INPP5A: variants seen among roughly 807,000 people sequenced by gnomAD.
INPP5A encodes 43 kDa inositol polyphosphate 5-phophatase.
A neutral mutation model predicts 65.2 loss-of-function variants in INPP5A; 14 were observed. The ratio of observed to expected loss-of-function variants is 0.21; its 90% CI spans 0.14 to 0.34. INPP5A has a LOEUF of 0.34. Ranked by LOEUF, INPP5A falls within the 10% of genes least tolerant of loss-of-function variation. The probability of loss-of-function intolerance (pLI) is 1.00; values close to 1 mark genes in which losing one functional copy is unlikely to be tolerated. For synonymous variants in INPP5A, 207 were observed against 208.3 expected (o/e 0.99, Z 0.05); for missense variants, 431 against 545.6 (o/e 0.79, Z 2.09).
At position 132,554,245 on chromosome 10, in the gene INPP5A, T is replaced by C. The variant is rs145063571; in HGVS notation, c.75+16074T>C. On this transcript the variant is annotated intron_variant, in intron 1 of 15. Transcript: ENST00000368594. ...TTGTGCTCACAGGGCAAAGGGGTAG[T>C]GTACTGTGCTGCCTGGCTCCACGGC... 5.5e-3 allele frequency among the ~76,000 whole-genome samples: 839 copies of C among 152,268 alleles called. 7 individuals carry two copies. The highest frequency in any genetic ancestry group is 0.017 in the Middle Eastern group (5 of 294).
chr10:132,734,232 C>G (rs943708520), intron 9 of INPP5A, among the ~76,000 whole-genome samples: 9 of 152,138 alleles, frequency 5.9e-5, no homozygotes, highest in African/African-American at 2.2e-4. Context: ...ACTGTCATGG[C>G]AGGACCACAC....
rs1418430958 is a variant in INPP5A at position 132,781,892 on chromosome 10, G to C, written c.1190G>C (p.Gly397Ala). 2 of 1,613,874 alleles carry C rather than the reference G, an allele frequency of 1.2e-6. No homozygotes were observed. Among genetic ancestry groups the C allele is most frequent in the Non-Finnish European group, 1.7e-6 (2 of 1,180,012 alleles). Reference protein sequence around the residue: ...PVFLAFRIMPGAGKPHAHVHK... With the variant: ...PVFLAFRIMPAAGKPHAHVHK... ...TTCCTGGCCTTCCGAATCATGCCCG[G>C]GGCAGGTAAACCTCATGCCCATGTG... The change falls in exon 15 of 16, where the codon GGG becomes GCG. Residue 397 changes from glycine (G) to alanine (A), a missense_variant. Physicochemically the swap from Gly to Ala is moderately conservative, Grantham distance 60 (BLOSUM62 0). Transcript: ENST00000368594.
At position 132,575,380 on chromosome 10, in the gene INPP5A, C is replaced by G. The variant is rs1006381994; in HGVS notation, c.76-32535C>G. 1.3e-5 allele frequency among the ~76,000 whole-genome samples: 2 copies of G among 152,156 alleles called. No individual in the cohort carries two copies. The highest frequency in any genetic ancestry group is 3.9e-4 in the East Asian group (2 of 5,192). On this transcript the variant is annotated intron_variant, in intron 1 of 15. Coordinates refer to ENST00000368594, the MANE Select transcript of INPP5A (RefSeq NM_005539.5). This position sits in a 1 kb window ranked among gnomAD's most constrained non-coding sequence, Gnocchi z 5.4. ...TGTGGCTAGCCTGCTCCCAGCCCCC[C>G]GCAGCTCACAGGGTCAGGATGGGAG...
intron 13 of INPP5A, among the ~76,000 whole-genome samples, chr10:132,779,554 T>C (rs1847122713): frequency 6.6e-6 from 1 of 152,220 alleles, no homozygotes; most frequent in South Asian, 2.1e-4. Context: ...TTCCATTCAC[T>C]CACAGCCTCT....
intron 5 of INPP5A, among the ~76,000 whole-genome samples, chr10:132,691,543 G>C (rs147994004): frequency 0.021 from 3,268 of 152,362 alleles, 48 homozygotes; most frequent in Middle Eastern, 0.068. Flanking sequence ...CAGACCTTTT[G>C]TGTTTTTCAG....
intron 4 of INPP5A, among the ~76,000 whole-genome samples, chr10:132,673,354 A>G (rs1404773367): frequency 6.6e-6 from 1 of 152,190 alleles, no homozygotes; most frequent in East Asian, 1.9e-4. Context: ...GAGTGGTGCC[A>G]CTTCCACTTC....
At position 132,706,812 on chromosome 10, in the gene INPP5A, A is replaced by G. The variant is rs1239150476; in HGVS notation, c.475-1501A>G. On this transcript the variant is annotated intron_variant, in intron 6 of 15. Coordinates refer to ENST00000368594, the MANE Select transcript of INPP5A (RefSeq NM_005539.5). The surrounding 1 kb of genome is among the most constrained non-coding windows in gnomAD (Gnocchi z 4.7). ...AGAAGGAGACGGGGCTGCAGGGGCC[A>G]CTGTGCTGGATGGGGACCAGGAGAA... Among the ~76,000 whole-genome samples, 1 of 152,172 alleles carries G rather than the reference A, an allele frequency of 6.6e-6. No homozygotes were observed. The highest frequency in any genetic ancestry group is 2.4e-5 in the African/African-American group (1 of 41,442).
At chr10:132,660,615 G>A (rs183042958) in intron 4 of INPP5A, among the ~76,000 whole-genome samples, 3 of 152,242 alleles carry the variant, frequency 2.0e-5, no homozygotes, top group Admixed American at 2.0e-4. Flanking sequence ...CTGAGCAGAG[G>A]CTCTGGTGTC....
chr10:132,670,384 CT>C (rs1564957453), intron 4 of INPP5A, among the ~76,000 whole-genome samples: 4 of 17,190 alleles, frequency 2.3e-4, no homozygotes, highest in African/African-American at 3.6e-4. Flanking sequence ...CTCACACCCC[CT>C]GACCCTACAT....
At chr10:132,661,143 C>T (rs1372249992) in intron 4 of INPP5A, among the ~76,000 whole-genome samples, 1 of 152,190 alleles carries the variant, frequency 6.6e-6, no homozygotes, top group African/African-American at 2.4e-5. Context: ...TGCATGCTCC[C>T]ACCTCTTCGT....
intron 5 of INPP5A, among the ~76,000 whole-genome samples, chr10:132,693,031 A>G (rs1381352266): frequency 6.6e-6 from 1 of 152,232 alleles, no homozygotes; most frequent in Non-Finnish European, 1.5e-5. Context: ...AGGAGGGAGG[A>G]ATTTGGGGTA....
chr10:132,679,144 G>A (rs962009619), intron 4 of INPP5A, among the ~76,000 whole-genome samples: 4 of 152,224 alleles, frequency 2.6e-5, no homozygotes, highest in Admixed American at 2.0e-4. Context: ...GGGCCCCACA[G>A]GGAGATGAGG....
At chr10:132,677,032 G>T in intron 4 of INPP5A, among the ~76,000 whole-genome samples, 1 of 79,388 alleles carries the variant, frequency 1.3e-5, no homozygotes, top group East Asian at 6.5e-4. Flanking sequence ...GTATTCACAT[G>T]GTGACCCCCA....
rs2071028455 is a variant in INPP5A, at chr10:132,549,880, G to C, written c.75+11709G>C. On this transcript the variant is annotated intron_variant, in intron 1 of 15. Transcript: ENST00000368594. This position sits in a 1 kb window ranked among gnomAD's most constrained non-coding sequence, Gnocchi z 4.9. ...GAGTCAGCCTCAAATTATTAACCAGGCATTAGGGGATGGGGTCAGCCTCGA... is the reference window on the plus strand; with the variant it reads ...GAGTCAGCCTCAAATTATTAACCAGCCATTAGGGGATGGGGTCAGCCTCGA... Among the ~76,000 whole-genome samples, 1 of 151,968 alleles carries C rather than the reference G, an allele frequency of 6.6e-6. No homozygotes were observed. Among genetic ancestry groups the C allele is most frequent in the East Asian group, 1.9e-4 (1 of 5,170 alleles).
At position 132,615,055 on chromosome 10, in the gene INPP5A, C is replaced by T. The variant is rs114965353; in HGVS notation, c.117+7099C>T. On this transcript the variant is annotated intron_variant, in intron 2 of 15. Coordinates refer to ENST00000368594, the MANE Select transcript of INPP5A (RefSeq NM_005539.5). ...CAGCGTTGGGTCAGTGTGGAGGACC[C>T]GATAAGAACGCTTGCTGGGGGATGC... Among the ~76,000 whole-genome samples, 26 of 152,318 alleles carry T rather than the reference C, an allele frequency of 1.7e-4. No individual in the cohort carries two copies. In the East Asian group the frequency reaches 2.1e-3, roughly 12 times the overall value.
At chr10:132,779,751 G>A (rs1591010187) in intron 13 of INPP5A, among the ~76,000 whole-genome samples, 1 of 152,194 alleles carries the variant, frequency 6.6e-6, no homozygotes, top group African/African-American at 2.4e-5. Context: ...GGCGCGCTCC[G>A]CAGCCTCATC....
chr10:132,643,874 G>A (rs994173489), intron 2 of INPP5A, among the ~76,000 whole-genome samples: 2 of 152,222 alleles, frequency 1.3e-5, no homozygotes, highest in Non-Finnish European at 2.9e-5. Context: ...GGGGGTCGTG[G>A]AGGCTCCGGA....
intron 1 of INPP5A, among the ~76,000 whole-genome samples, chr10:132,586,398 C>T (rs2071544996): frequency 6.6e-6 from 1 of 152,226 alleles, no homozygotes; most frequent in African/African-American, 2.4e-5. Flanking sequence ...CCTAGGGGCT[C>T]ACAGCTCCGT....
At chr10:132,567,899 A>T (rs1049486794) in intron 1 of INPP5A, among the ~76,000 whole-genome samples, 4 of 152,150 alleles carry the variant, frequency 2.6e-5, no homozygotes, top group Admixed American at 6.5e-5. Context: ...ATTAAAAAAA[A>T]ATATTGGCTG....
Sources: allele counts gnomAD v4.1 joint callset (sites outside exome capture counted in the v4.1 genomes callset), GRCh38; gene constraint gnomAD v4.1.1; non-coding constraint Gnocchi (gnomAD v3.1); transcripts MANE v1.5; gene names NCBI Gene and HGNC (gene_info 2026-07-23, HGNC 2026-07-21).